CLDN14: variants seen among roughly 807,000 people sequenced by gnomAD.
CLDN14 encodes claudin-14.
Under a neutral mutation model 2.1 loss-of-function variants are expected in CLDN14, and 2 were observed. The ratio of observed to expected loss-of-function variants is 0.96; its 90% CI spans 0.39 to 3.01. CLDN14 has a LOEUF of 3.01. CLDN14 is among the 30% of genes most tolerant of loss of function. The pLI is 0.09. For missense variants in CLDN14, 298 were observed against 328.0 expected, an observed-to-expected ratio of 0.91 and a Z score of 0.71; for synonymous variants, 136 against 154.4, an observed-to-expected ratio of 0.88 and a Z score of 0.88.
chr21:36,483,082 A>G (rs1343489013), upstream of CLDN14, among the ~76,000 whole-genome samples: 1 of 152,210 alleles, frequency 6.6e-6, no homozygotes, highest in Non-Finnish European at 1.5e-5. Flanking sequence ...GCAGGGTTTG[A>G]ACCGAGCACA....
chr21:36,538,966 G>C (rs79807929), intron 1 of CLDN14, among the ~76,000 whole-genome samples: 12,917 of 152,186 alleles, frequency 0.085, 1,187 homozygotes, highest in African/African-American at 0.23. Flanking sequence ...CCCACACACA[G>C]AGCTTGCTTC....
At chr21:36,495,093 T>A (rs370066632) in intron 2 of CLDN14, among the ~76,000 whole-genome samples, 17 of 152,212 alleles carry the variant, frequency 1.1e-4, no homozygotes, top group African/African-American at 4.1e-4. Context: ...TTTGGGAGGC[T>A]GAGGCTGGTG....
At chr21:36,530,605 A>G (rs1263254173) in intron 1 of CLDN14, among the ~76,000 whole-genome samples, 1 of 152,248 alleles carries the variant, frequency 6.6e-6, no homozygotes, top group Non-Finnish European at 1.5e-5. Context: ...CAAAGACAGT[A>G]AGTGAAACCC....
intron 1 of CLDN14, among the ~76,000 whole-genome samples, chr21:36,465,559 G>A (rs1458538323): frequency 2.6e-5 from 4 of 152,154 alleles, no homozygotes. Flanking sequence ...TCACTTTGGG[G>A]CCTTTCAAGG....
intron 1 of CLDN14, among the ~76,000 whole-genome samples, chr21:36,466,598 C>T (rs899172939): frequency 3.3e-5 from 5 of 152,162 alleles, no homozygotes; most frequent in Non-Finnish European, 7.3e-5. Flanking sequence ...CCCCACGACA[C>T]GTGGGGATTA....
chr21:36,536,057 A>C (rs1190949034), intron 1 of CLDN14, among the ~76,000 whole-genome samples: 1 of 152,242 alleles, frequency 6.6e-6, no homozygotes, highest in Non-Finnish European at 1.5e-5. Flanking sequence ...GCACTTAAGC[A>C]GACTGAAAAA....
intron 2 of CLDN14, among the ~76,000 whole-genome samples, chr21:36,509,594 T>TTTTA (rs953759773): frequency 2.6e-5 from 4 of 151,944 alleles, no homozygotes; most frequent in East Asian, 3.9e-4. Context: ...TGCTTTTATT[T>TTTTA]TTTATTTATT....
intron 1 of CLDN14, among the ~76,000 whole-genome samples, chr21:36,475,495 C>T (rs1049643032): frequency 3.9e-5 from 6 of 152,314 alleles, no homozygotes; most frequent in East Asian, 3.9e-4. Context: ...TGGGAATTTT[C>T]GAGCTCCTCT....
intron 1 of CLDN14, among the ~76,000 whole-genome samples, chr21:36,567,469 T>C (rs1026363350): frequency 1.3e-5 from 2 of 152,216 alleles, no homozygotes; most frequent in African/African-American, 4.8e-5. Flanking sequence ...TATTCACATA[T>C]TCTGAAGGCT....
At chr21:36,561,612 T>C (rs1160439156) in intron 1 of CLDN14, among the ~76,000 whole-genome samples, 2 of 152,246 alleles carry the variant, frequency 1.3e-5, no homozygotes, top group Admixed American at 1.3e-4. Flanking sequence ...AGAGGTCCTC[T>C]GTGTTGGTGA....
At chr21:36,513,588 GC>G (rs2087201693) in intron 1 of CLDN14, among the ~76,000 whole-genome samples, 1 of 152,208 alleles carries the variant, frequency 6.6e-6, no homozygotes, top group Non-Finnish European at 1.5e-5. Flanking sequence ...GAGGCTTCAA[GC>G]CCCTTGGGTG....
chr21:36,565,088 C>T (rs1451025480), intron 1 of CLDN14, among the ~76,000 whole-genome samples: 2 of 152,174 alleles, frequency 1.3e-5, no homozygotes, highest in Non-Finnish European at 1.5e-5. Flanking sequence ...CTTGTTACAG[C>T]GGCCACGGGA....
At chr21:36,468,580 C>T (rs2086674164) in intron 1 of CLDN14, among the ~76,000 whole-genome samples, 1 of 151,170 alleles carries the variant, frequency 6.6e-6, no homozygotes, top group Non-Finnish European at 1.5e-5. Context: ...AGAAAATAAA[C>T]AAAATCATAA....
chr21:36,474,093 C>T (rs2086745088), intron 1 of CLDN14, among the ~76,000 whole-genome samples: 1 of 152,078 alleles, frequency 6.6e-6, no homozygotes, highest in Non-Finnish European at 1.5e-5. Flanking sequence ...GGAACTTGGA[C>T]CCTCCAGGGG....
rs1341454984 is a variant in CLDN14, at chr21:36,551,122, C to A, written c.-220+25289G>T. ...GGCACGGAACAGACTCCCCTTGGAG[C>A]CTCCAGAAGGAACCAGCCCTTCCTA... On this transcript the variant is annotated intron_variant, in intron 1 of 2. Coordinates refer to the CLDN14 transcript ENST00000342108. This position sits in a 1 kb window ranked among gnomAD's most constrained non-coding sequence, Gnocchi z 4.8. 6.6e-6 allele frequency among the ~76,000 whole-genome samples: 1 copy of A among 152,216 alleles called. No homozygotes were observed. Among genetic ancestry groups the A allele is most frequent in the African/African-American group, 2.4e-5 (1 of 41,460 alleles).
chr21:36,490,921 C>T lies in CLDN14; in HGVS notation c.-82+19442G>A, dbSNP rs186738300. Among the ~76,000 whole-genome samples the T allele has an allele frequency of 1.4e-4, 21 of 150,950 alleles. No individual in the cohort carries two copies. In the East Asian group the frequency reaches 1.6e-3, roughly 11 times the overall value. ...GCATCAACGTGCACATATGCCAACA[C>T]GTGTGGGCACACACATGCAAGTGCA... On this transcript the variant is annotated intron_variant, in intron 2 of 2. Coordinates refer to the CLDN14 transcript ENST00000342108.
At chr21:36,522,749 G>A (rs2087281386) in intron 1 of CLDN14, among the ~76,000 whole-genome samples, 1 of 152,096 alleles carries the variant, frequency 6.6e-6, no homozygotes, top group Admixed American at 6.5e-5. Flanking sequence ...GCTTTTTTGT[G>A]CTGAAGGTAA....
chr21:36,518,322 C>T (rs551638413), intron 1 of CLDN14, among the ~76,000 whole-genome samples: 34 of 152,298 alleles, frequency 2.2e-4, no homozygotes, highest in African/African-American at 7.5e-4. Context: ...TACTTCTGGC[C>T]GGGCGTGGTG....
intron 1 of CLDN14, among the ~76,000 whole-genome samples, chr21:36,464,321 G>C (rs747399595): frequency 6.6e-6 from 1 of 152,192 alleles, no homozygotes; most frequent in African/African-American, 2.4e-5. Flanking sequence ...AAATTAACCA[G>C]TCTCAGGTAG....
Sources: gnomAD v4.1 joint callset for allele counts (sites outside exome capture counted in the v4.1 genomes callset) on GRCh38, gnomAD v4.1.1 for gene constraint, Gnocchi (gnomAD v3.1) non-coding constraint, MANE v1.5 for transcripts, NCBI Gene and HGNC (gene_info 2026-07-23, HGNC 2026-07-21) for gene names.